GLIS2: variants seen among roughly 807,000 people sequenced by gnomAD.
The protein encoded by GLIS2 is GLIS family zinc finger 2, also known as zinc finger protein GLIS2.
In GLIS2, 14 loss-of-function variants were observed where a neutral mutation model predicts 35.6. The ratio of observed to expected loss-of-function variants is 0.39; its 90% CI spans 0.26 to 0.61. GLIS2 has a LOEUF of 0.61. Among genes scored for constraint, GLIS2 ranks in the 20% least tolerant of loss-of-function variants. The pLI is 0.48. For missense variants in GLIS2, 675 were observed against 713.4 expected, an observed-to-expected ratio of 0.95 and a Z score of 0.61; for synonymous variants, 368 against 325.1, an observed-to-expected ratio of 1.13 and a Z score of -1.42.
chr16:4,319,976 G>T (rs1395998956), intron 1 of GLIS2, among the ~76,000 whole-genome samples: 3 of 151,780 alleles, frequency 2.0e-5, no homozygotes, highest in African/African-American at 7.3e-5. Context: ...TGAGGGGTGG[G>T]GGCTTCCCAT....
chr16:4,320,073 G>A lies in GLIS2; in HGVS notation c.-67+3819G>A, dbSNP rs374308784. Among the ~76,000 whole-genome samples the A allele has an allele frequency of 1.1e-4, 17 of 152,092 alleles. No homozygotes were observed. The highest frequency in any genetic ancestry group is 6.5e-4 in the Admixed American group (10 of 15,272). On this transcript the variant is annotated intron_variant, in intron 1 of 6. Coordinates refer to ENST00000433375, the MANE Select transcript of GLIS2 (RefSeq NM_032575.3). The surrounding 1 kb of genome is among the most constrained non-coding windows in gnomAD (Gnocchi z 5.6). ...GGGGGGCGGGTGACTTGGGCTCCTCGTGCCCTTTGTCTTCGGTGCTTGAGA... is the reference window on the plus strand; with the variant it reads ...GGGGGGCGGGTGACTTGGGCTCCTCATGCCCTTTGTCTTCGGTGCTTGAGA...
chr16:4,319,294 C>G (rs1230372579), intron 1 of GLIS2, among the ~76,000 whole-genome samples: 2 of 152,160 alleles, frequency 1.3e-5, no homozygotes, highest in Non-Finnish European at 2.9e-5. Context: ...CAGATAAATG[C>G]CCTTCTCAGG....
At chr16:4,319,153 G>A (rs992837974) in intron 1 of GLIS2, among the ~76,000 whole-genome samples, 3 of 152,144 alleles carry the variant, frequency 2.0e-5, no homozygotes, top group Admixed American at 6.5e-5. Flanking sequence ...ATTGGGGCGG[G>A]GGTGGCTGCA....
At chr16:4,318,905 G>C (rs75999650) in intron 1 of GLIS2, among the ~76,000 whole-genome samples, 3,238 of 152,336 alleles carry the variant, frequency 0.021, 107 homozygotes, top group African/African-American at 0.073. Context: ...GCCGGCCAGG[G>C]TTTGGGGCAA....
chr16:4,326,776 T>TTCC lies in GLIS2; in HGVS notation c.-66-5439_-66-5438insTCC, dbSNP rs1197258721. The stretch of plus-strand genomic sequence containing the variant: ...AGCTATTTTTTTTTTTTTTTTTTTT[T>TTCC]CCGAGATGGAGTCTCACTCCGTCGC... On this transcript the variant is annotated intron_variant, in intron 1 of 6. Transcript: ENST00000433375. Among the ~76,000 whole-genome samples, 701 of 76,990 alleles carry TTCC rather than the reference T, an allele frequency of 9.1e-3. 9 individuals are homozygous for TTCC. The highest frequency in any genetic ancestry group is 0.033 in the African/African-American group (661 of 20,074). The allele number at this position is 76,990 out of a possible 152,430, so 50.5% of individuals were successfully genotyped here. A position where few individuals can be genotyped will look rare whatever the true frequency, so the allele number is the denominator to read the frequency against.
rs1165120017 is a variant in GLIS2 at position 4,333,356 on chromosome 16, T to C, written c.182T>C (p.Leu61Pro). 1.2e-6 allele frequency: 2 copies of C among 1,613,106 alleles called. No homozygotes were observed. Among genetic ancestry groups the C allele is most frequent in the Non-Finnish European group, 1.7e-6 (2 of 1,180,014 alleles). ...TGTGCCTCTCCCTCAGGCTTCCTGC[T>C]GAACTCCAAGTTCCCCGAGAAGGTG... The part of the protein sequence containing the change: ...SPGSPPSGFL[L>P]NSKFPEKVEG... The change falls in exon 3 of 7, where the codon CTG (leucine) becomes CCG (proline). Residue 61 changes from leucine to proline, a missense_variant. Coordinates refer to ENST00000433375, the MANE Select transcript of GLIS2 (RefSeq NM_032575.3).
rs145990457 is a variant in GLIS2, at chr16:4,333,369, C to T, written c.195C>T (p.Phe65=). 5.1e-5 allele frequency: 82 copies of T among 1,613,078 alleles called. No homozygotes were observed. In the African/African-American group the frequency reaches 7.3e-4, roughly 14 times the overall value. The part of the protein sequence containing the change: ...PPSGFLLNSK[F]PEKVEGRFSA... ...CAGGCTTCCTGCTGAACTCCAAGTT[C>T]CCCGAGAAGGTGGAGGGACGCTTTT... Residue 65 remains phenylalanine, a synonymous_variant, in exon 3 of 7, where the codon TTC becomes TTT. Coordinates refer to ENST00000433375, the MANE Select transcript of GLIS2 (RefSeq NM_032575.3).
upstream of GLIS2, among the ~76,000 whole-genome samples, chr16:4,315,640 C>T (rs2053299352): frequency 1.3e-5 from 2 of 150,664 alleles, no homozygotes; most frequent in South Asian, 2.1e-4. Context: ...TGTCCTAGCG[C>T]TGCCCTCGGG....
At chr16:4,324,091 C>T (rs1273362481) in intron 1 of GLIS2, among the ~76,000 whole-genome samples, 1 of 152,180 alleles carries the variant, frequency 6.6e-6, no homozygotes, top group African/African-American at 2.4e-5. Flanking sequence ...AGAGGTCAGC[C>T]CTGGCTGGGT....
At chr16:4,317,970 C>G (rs961022689) in intron 1 of GLIS2, among the ~76,000 whole-genome samples, 1 of 152,180 alleles carries the variant, frequency 6.6e-6, no homozygotes, top group South Asian at 2.1e-4. Context: ...AGCTGGGGCT[C>G]TTCGGCCCCT....
At chr16:4,336,318 C>T (rs1041081314) in intron 6 of GLIS2, 17 of 343,296 alleles carry the variant, frequency 5.0e-5, no homozygotes, top group Admixed American at 8.0e-5. Context: ...AGCTAGTTTT[C>T]GTAGTTTTAG....
chr16:4,336,661 A>G (rs2053554336), intron 6 of GLIS2, 64 bp from the exon 7 acceptor site: 5 of 1,491,810 alleles, frequency 3.4e-6, no homozygotes, highest in East Asian at 2.5e-5. Context: ...TGTTGAGTGC[A>G]TGGGGTGAGA....
In GLIS2 at chr16:4,337,392, C is replaced by A; in HGVS notation, c.1443C>A (p.Pro481=). The change falls in exon 7 of 7, where the codon CCC becomes CCA. Residue 481 remains proline (P), a synonymous_variant. Coordinates refer to ENST00000433375, the MANE Select transcript of GLIS2 (RefSeq NM_032575.3). Reference sequence around the variant, plus strand: ...CCCGGCCAAGCCCCGATGGACTCCCCCTGCTGCCAGGCACCGTGCTGGACC... The same window carrying A: ...CCCGGCCAAGCCCCGATGGACTCCCACTGCTGCCAGGCACCGTGCTGGACC... ...SCSRPSPDGL[P]LLPGTVLDLS... 1 of 1,593,098 alleles carries A rather than the reference C, an allele frequency of 6.3e-7. No homozygotes were observed. The highest frequency in any genetic ancestry group is 8.5e-7 in the Non-Finnish European group (1 of 1,171,400).
At position 4,337,433 on chromosome 16, in the gene GLIS2, A is replaced by G. The variant is rs376570389; in HGVS notation, c.1484A>G (p.Asn495Ser). The G allele has an allele frequency of 1.0e-5, 16 of 1,583,116 alleles. No homozygotes were observed. Among genetic ancestry groups the G allele is most frequent in the African/African-American group, 5.4e-5 (4 of 74,366 alleles). ...GTVLDLSTGV[N>S]SAASSPEALA... ...GTGCTGGACCTGTCCACGGGCGTCA[A>G]CTCAGCTGCCAGCAGCCCAGAGGCG... The change falls in exon 7 of 7, where the codon AAC (asparagine) becomes AGC (serine). Residue 495 changes from asparagine (N) to serine (S), a missense_variant. By Grantham distance (46) the Asn-to-Ser change is conservative. This residue lies in a region of GLIS2 where 317 missense variants were observed against 283.2 expected (regional missense o/e 1.12). Coordinates refer to ENST00000433375, the MANE Select transcript of GLIS2 (RefSeq NM_032575.3).
At chr16:4,333,781 CCT>C (rs1439289906) in intron 3 of GLIS2, among the ~76,000 whole-genome samples, 2 of 152,056 alleles carry the variant, frequency 1.3e-5, no homozygotes, top group Non-Finnish European at 2.9e-5. Context: ...GGTCTTTGTC[CCT>C]CTGTGTCCGA....
At chr16:4,318,647 G>A (rs956440512) in intron 1 of GLIS2, among the ~76,000 whole-genome samples, 3 of 152,188 alleles carry the variant, frequency 2.0e-5, no homozygotes, top group Non-Finnish European at 4.4e-5. Flanking sequence ...CCCCTTCTTG[G>A]GGCCTGGAGG....
upstream of GLIS2, among the ~76,000 whole-genome samples, chr16:4,315,942 C>CG (rs2053305249): frequency 6.7e-6 from 1 of 149,298 alleles, no homozygotes. Flanking sequence ...AGGCCGCCCC[C>CG]CGCGCCCCTC....
At chr16:4,334,727 A>T (rs2053531505) in intron 3 of GLIS2, 74 bp from the exon 4 acceptor site, 1 of 1,569,928 alleles carries the variant, frequency 6.4e-7, no homozygotes, top group Non-Finnish European at 8.7e-7. Context: ...TGGGGACACC[A>T]TTCAGTCCAC....
chr16:4,337,206 G>T lies in GLIS2; in HGVS notation c.1257G>T (p.Ser419=). The change falls in exon 7 of 7, where the codon TCG becomes TCT. Residue 419 remains serine (S), a synonymous_variant. Coordinates refer to ENST00000433375, the MANE Select transcript of GLIS2 (RefSeq NM_032575.3). ...TGGCCAAGAACCCGCTGCTGCCCTCGCCCTTTGGGGCTGGCGGACTGGGCT... is the reference window on the plus strand; with the variant it reads ...TGGCCAAGAACCCGCTGCTGCCCTCTCCCTTTGGGGCTGGCGGACTGGGCT... The part of the protein sequence containing the change: ...LNLAKNPLLP[S]PFGAGGLGLP... 6.5e-7 allele frequency: 1 copy of T among 1,547,182 alleles called. No homozygotes were observed.
Sources: gnomAD v4.1 joint callset for allele counts (sites outside exome capture counted in the v4.1 genomes callset) on GRCh38, gnomAD v4.1.1 for gene constraint, gnomAD v4.1.1 regional missense constraint, Gnocchi (gnomAD v3.1) non-coding constraint, MANE v1.5 for transcripts, NCBI Gene and HGNC (gene_info 2026-07-23, HGNC 2026-07-21) for gene names.